NPAS3: variants seen among roughly 807,000 people sequenced by gnomAD.
The protein encoded by NPAS3 is neuronal PAS domain protein 3.
A neutral mutation model predicts 73.1 loss-of-function variants in NPAS3; 14 were observed. The ratio of observed to expected loss-of-function variants is 0.19; its 90% CI spans 0.13 to 0.30. The LOEUF (loss-of-function observed/expected upper bound fraction) is 0.30, where lower values mean the gene tolerates loss of function less well. Ranked by LOEUF, NPAS3 falls within the 10% of genes least tolerant of loss-of-function variation. The pLI, the probability that NPAS3 is intolerant of heterozygous loss-of-function variation, is 1.00. For missense variants in NPAS3, 1,096 were observed against 1,250.0 expected (o/e 0.88, Z 1.86); for synonymous variants, 620 against 541.5 (o/e 1.14, Z -2.01).
intron 4 of NPAS3, among the ~76,000 whole-genome samples, chr14:33,543,875 A>C (rs2054629271): frequency 6.7e-6 from 1 of 150,188 alleles, no homozygotes. Context: ...TACATGCTGC[A>C]TGGCAGCCTG....
intron 2 of NPAS3, among the ~76,000 whole-genome samples, chr14:33,109,689 C>T (rs1481777495): frequency 6.6e-6 from 1 of 151,744 alleles, no homozygotes; most frequent in Non-Finnish European, 1.5e-5. Flanking sequence ...TCTCAGATAC[C>T]GTATTGAGCA....
At chr14:33,668,539 G>C (rs1567108613) in intron 5 of NPAS3, among the ~76,000 whole-genome samples, 1 of 152,172 alleles carries the variant, frequency 6.6e-6, no homozygotes, top group African/African-American at 2.4e-5. Flanking sequence ...GAGCTGGGCT[G>C]GCGAGGTGGC....
Position 33,570,068 on chromosome 14 carries a change from T to C in NPAS3, c.558+9858T>C, listed in dbSNP as rs144021549. Among the ~76,000 whole-genome samples, 25 of 152,310 alleles carry C rather than the reference T, an allele frequency of 1.6e-4. 1 individual carries two copies. The highest frequency in any genetic ancestry group is 6.0e-4 in the African/African-American group (25 of 41,560). On this transcript the variant is annotated intron_variant, in intron 5 of 11. Transcript: ENST00000356141. ...AGTGGTGAGTTCCTTTTTTGGGCTT[T>C]AAATGTCTATACAGAGATTGTTATC... is the stretch of plus-strand genomic sequence containing the variant.
intron 3 of NPAS3, among the ~76,000 whole-genome samples, chr14:33,284,244 C>T (rs1030886367): frequency 4.6e-5 from 7 of 152,198 alleles, no homozygotes; most frequent in African/African-American, 1.7e-4. Flanking sequence ...CTGGATACCT[C>T]GCATACCCTC....
intron 2 of NPAS3, among the ~76,000 whole-genome samples, chr14:33,086,270 T>G (rs982155891): frequency 2.0e-5 from 3 of 152,344 alleles, no homozygotes; most frequent in African/African-American, 7.2e-5. Context: ...ATGTTTTGAT[T>G]TAATGGTTGT....
At chr14:33,564,218 G>C (rs898504933) in intron 5 of NPAS3, among the ~76,000 whole-genome samples, 2 of 152,120 alleles carry the variant, frequency 1.3e-5, no homozygotes, top group Admixed American at 6.5e-5. Flanking sequence ...TAAAGTTTCA[G>C]ATGTAACCAT....
intron 6 of NPAS3, among the ~76,000 whole-genome samples, chr14:33,727,383 A>G (rs2061296905): frequency 6.6e-6 from 1 of 152,204 alleles, no homozygotes; most frequent in Non-Finnish European, 1.5e-5. Context: ...CCTGAAGGAT[A>G]GAAAAAAATA....
At chr14:32,974,127 G>A (rs2037554008) in intron 1 of NPAS3, among the ~76,000 whole-genome samples, 1 of 152,164 alleles carries the variant, frequency 6.6e-6, no homozygotes, top group Admixed American at 6.5e-5. Flanking sequence ...CCTTCCAGAG[G>A]TCATTTACAT....
chr14:32,970,263 A>G (rs893360204), intron 1 of NPAS3, among the ~76,000 whole-genome samples: 3 of 152,100 alleles, frequency 2.0e-5, no homozygotes, highest in East Asian at 1.9e-4. Context: ...AAAAGACAAA[A>G]TGTTTGTCGT....
At chr14:33,670,129 G>T (rs764686059) in intron 5 of NPAS3, among the ~76,000 whole-genome samples, 8 of 152,130 alleles carry the variant, frequency 5.3e-5, no homozygotes, top group Admixed American at 3.9e-4. Flanking sequence ...AACAAAAAAC[G>T]TACTTAATGG....
chr14:33,670,841 A>G (rs1376972258), intron 5 of NPAS3, among the ~76,000 whole-genome samples: 1 of 151,912 alleles, frequency 6.6e-6, no homozygotes, highest in African/African-American at 2.4e-5. Context: ...AGCACTCACT[A>G]AGGGAGTGGG....
intron 4 of NPAS3, among the ~76,000 whole-genome samples, chr14:33,507,271 G>A (rs1170551569): frequency 2.0e-5 from 3 of 151,972 alleles, no homozygotes; most frequent in South Asian, 2.1e-4. Context: ...GAAATGTCTC[G>A]TCTCAGAATT....
chr14:33,203,485 C>A (rs1392507199), intron 2 of NPAS3, among the ~76,000 whole-genome samples: 2 of 152,144 alleles, frequency 1.3e-5, no homozygotes, highest in East Asian at 3.8e-4. Flanking sequence ...CCACACCCCA[C>A]AACAGGCCCC....
chr14:32,976,776 G>A (rs2139365283), intron 1 of NPAS3, among the ~76,000 whole-genome samples: 1 of 152,276 alleles, frequency 6.6e-6, no homozygotes, highest in South Asian at 2.1e-4. Flanking sequence ...TGTGTGCTAA[G>A]GTTAGTTATC....
chr14:33,230,887 C>G (rs1406495877), intron 3 of NPAS3, among the ~76,000 whole-genome samples: 1 of 152,182 alleles, frequency 6.6e-6, no homozygotes, highest in Non-Finnish European at 1.5e-5. Flanking sequence ...TTCATTTTCT[C>G]TGTCCCCTGA....
chr14:33,246,752 G>A (rs1168368664), intron 3 of NPAS3, among the ~76,000 whole-genome samples: 1 of 149,414 alleles, frequency 6.7e-6, no homozygotes, highest in East Asian at 2.0e-4. Flanking sequence ...CAGCACTCTG[G>A]GAGCCCAAGG....
chr14:33,594,868 T>C (rs1034381816), intron 5 of NPAS3, among the ~76,000 whole-genome samples: 2 of 152,120 alleles, frequency 1.3e-5, no homozygotes, highest in African/African-American at 4.8e-5. Flanking sequence ...TCATTCCCCA[T>C]GTAAAATGTA....
intron 6 of NPAS3, among the ~76,000 whole-genome samples, chr14:33,716,349 G>A (rs1269733365): frequency 6.6e-6 from 1 of 151,800 alleles, no homozygotes; most frequent in African/African-American, 2.4e-5. Flanking sequence ...TCCCTATCTT[G>A]TTTTTCTTGT....
At chr14:33,453,327 C>G in intron 4 of NPAS3, among the ~76,000 whole-genome samples, 1 of 152,160 alleles carries the variant, frequency 6.6e-6, no homozygotes, top group Non-Finnish European at 1.5e-5. Context: ...CAGGGGCTTT[C>G]AAGAATTTTA....
Sources: gnomAD v4.1 joint callset for allele counts (sites outside exome capture counted in the v4.1 genomes callset) on GRCh38, gnomAD v4.1.1 for gene constraint, MANE v1.5 for transcripts, NCBI Gene and HGNC (gene_info 2026-07-23, HGNC 2026-07-21) for gene names.